The following ABCA13 variants were observed in gnomAD, a reference collection of about 807,000 sequenced individuals.
ABCA13 encodes ATP binding cassette subfamily A member 13.
In ABCA13, 476 loss-of-function variants were observed where a neutral mutation model predicts 478.7. That is an observed-to-expected ratio of 0.99 (90% CI 0.92 to 1.07). The LOEUF is 1.07. Ranked by LOEUF, ABCA13 falls within the 50% of genes least tolerant of loss-of-function variation. The pLI is 0.00. For synonymous variants in ABCA13, 2,252 were observed against 2,158.9 expected, an observed-to-expected ratio of 1.04 and a Z score of -1.20; for missense variants, 6,060 against 5,910.6, an observed-to-expected ratio of 1.03 and a Z score of -0.83.
intron 27 of ABCA13, among the ~76,000 whole-genome samples, chr7:48,326,417 A>C (rs1436451750): frequency 6.6e-6 from 1 of 152,220 alleles, no homozygotes; most frequent in Non-Finnish European, 1.5e-5. Flanking sequence ...TTGAAGTACA[A>C]AGAGTTTCCA....
chr7:48,251,107 T>C (rs771072159), intron 15 of ABCA13, among the ~76,000 whole-genome samples: 1 of 152,236 alleles, frequency 6.6e-6, no homozygotes, highest in Non-Finnish European at 1.5e-5. Flanking sequence ...GATTACACTA[T>C]AAAACTCTTC....
chr7:48,396,375 G>C (rs973932974), intron 38 of ABCA13, among the ~76,000 whole-genome samples: 2 of 152,160 alleles, frequency 1.3e-5, no homozygotes, highest in African/African-American at 4.8e-5. Flanking sequence ...TTTTGTGCCA[G>C]CCGCTATGGT....
chr7:48,510,986 T>C (rs2130902506), intron 50 of ABCA13, 98 bp from the exon 51 acceptor site: 4 of 993,404 alleles, frequency 4.0e-6, no homozygotes, highest in East Asian at 2.5e-5. Context: ...ATAGGAAATA[T>C]ATTTGTGAAG....
chr7:48,602,237 A>G (rs1181896662), intron 58 of ABCA13, among the ~76,000 whole-genome samples: 1 of 152,060 alleles, frequency 6.6e-6, no homozygotes, highest in Non-Finnish European at 1.5e-5. Context: ...ATTAGATACC[A>G]TTTGTCAATT....
intron 3 of ABCA13, among the ~76,000 whole-genome samples, chr7:48,203,506 C>T (rs188736678): frequency 6.6e-6 from 1 of 152,358 alleles, no homozygotes; most frequent in East Asian, 1.9e-4. Context: ...TCCCTAATTC[C>T]TCAGGTAAGT....
chr7:48,438,563 A>T (rs12718272), intron 42 of ABCA13, among the ~76,000 whole-genome samples: 23,369 of 144,202 alleles, frequency 0.16, 2,299 homozygotes, highest in East Asian at 0.23. Flanking sequence ...CTGTAATCAC[A>T]TACTCAGCCT....
intron 15 of ABCA13, among the ~76,000 whole-genome samples, chr7:48,256,847 G>A (rs1793467712): frequency 6.6e-6 from 1 of 152,064 alleles, no homozygotes; most frequent in Non-Finnish European, 1.5e-5. Flanking sequence ...TTCAAATTCT[G>A]TAAAGAATGT....
rs1002856738 is a variant in ABCA13, at chr7:48,245,796, G to A, written c.1492-67G>A. 4 of 1,498,920 alleles carry A rather than the reference G, an allele frequency of 2.7e-6. No individual in the cohort carries two copies. In the African/African-American group the frequency reaches 5.6e-5, roughly 21 times the overall value. 92.9% of individuals were successfully genotyped at this position (1,498,920 alleles called of 1,614,324 possible). On this transcript the variant is annotated intron_variant, in intron 12 of 61. Coordinates refer to ENST00000435803, the MANE Select transcript of ABCA13 (RefSeq NM_152701.5). ...ATTGCTTATTATATTTGCAGTTCTT[G>A]AGCCCATGAAGAGGGTATCTAAGCC...
chr7:48,562,913 A>G (rs1036534362), intron 55 of ABCA13, among the ~76,000 whole-genome samples: 7 of 152,044 alleles, frequency 4.6e-5, no homozygotes, highest in African/African-American at 1.7e-4. Flanking sequence ...TCCAAAAAGA[A>G]TGATGATGCC....
At chr7:48,404,390 C>T (rs1319998104) in intron 39 of ABCA13, 2 of 189,558 alleles carry the variant, frequency 1.1e-5, no homozygotes, top group Non-Finnish European at 2.2e-5. Context: ...TAATTTCCAA[C>T]TTCTGATTCT....
chr7:48,574,661 C>T (rs1367152452), intron 55 of ABCA13, among the ~76,000 whole-genome samples: 3 of 152,166 alleles, frequency 2.0e-5, no homozygotes, highest in African/African-American at 4.8e-5. Flanking sequence ...ATTTTTATCT[C>T]TTCCAAAGAC....
At chr7:48,258,823 A>C (rs1487203900) in intron 15 of ABCA13, among the ~76,000 whole-genome samples, 1 of 152,064 alleles carries the variant, frequency 6.6e-6, no homozygotes, top group Non-Finnish European at 1.5e-5. Flanking sequence ...TGTTCTCATT[A>C]GTTTTCTAAG....
intron 27 of ABCA13, among the ~76,000 whole-genome samples, chr7:48,330,775 A>ATCCG (rs1805266395): frequency 6.6e-6 from 1 of 152,062 alleles, no homozygotes; most frequent in East Asian, 1.9e-4. Context: ...CCATCCATCC[A>ATCCG]TCCATCTATA....
Position 48,335,509 on chromosome 7 carries a change from A to C in ABCA13, c.10087A>C (p.Ser3363Arg), listed in dbSNP as rs1806113307. Residue 3363 changes from serine (S) to arginine (R), a missense_variant, in exon 28 of 62, where the codon AGT becomes CGT. Physicochemically the swap from Ser to Arg is moderately radical, Grantham distance 110. Around this residue, in one of 3 missense-constraint regions of ABCA13, gnomAD observed 4,423 missense variants for 4,309.1 expected, o/e 1.03. Coordinates refer to ENST00000435803, the MANE Select transcript of ABCA13 (RefSeq NM_152701.5). ...GTCCAGCCTTTTCCAGAGAAGTGGA[A>C]GTGGCCAGATGTTCAACCAGCTGCA... ...EMSSLFQRSG[S>R]GQMFNQLQEA... 6.2e-7 allele frequency: 1 copy of C among 1,613,658 alleles called. No individual in the cohort carries two copies. Among genetic ancestry groups the C allele is most frequent in the African/African-American group, 1.3e-5 (1 of 74,934 alleles).
intron 47 of ABCA13, among the ~76,000 whole-genome samples, chr7:48,484,224 A>G (rs1016233724): frequency 1.3e-5 from 2 of 152,224 alleles, no homozygotes; most frequent in African/African-American, 4.8e-5. Context: ...ATCCCTAAAC[A>G]AAATTTTAAC....
intron 27 of ABCA13, among the ~76,000 whole-genome samples, chr7:48,331,847 G>T (rs371585476): frequency 2.6e-5 from 4 of 152,252 alleles, no homozygotes; most frequent in African/African-American, 7.2e-5. Context: ...CCATATCACA[G>T]CAGGGTCTCT....
chr7:48,248,548 T>G, intron 14 of ABCA13, 104 bp downstream of exon 14: 1 of 974,038 alleles, frequency 1.0e-6, no homozygotes, highest in East Asian at 2.6e-5. Context: ...GATTATATTT[T>G]GAATAGAAAG....
rs1189811111 is a variant in ABCA13 at position 48,273,389 on chromosome 7, A to G, written c.3723A>G (p.Ala1241=). ...LRDFLVALGN[A]LVSVKKLNLE... is the part of the protein sequence containing the mutation. ...ATTTTTTGGTAGCTTTAGGTAATGC[A>G]TTAGTTTCAGTAAAAAAACTTAACT... Residue 1241 remains alanine (A), a synonymous_variant, in exon 17 of 62, where the codon GCA becomes GCG. Transcript: ENST00000435803. The G allele has an allele frequency of 6.2e-6, 10 of 1,613,528 alleles. No individual in the cohort carries two copies. In the Admixed American group the frequency reaches 1.0e-4, roughly 16 times the overall value.
chr7:48,461,958 C>T (rs1277579791), intron 43 of ABCA13, among the ~76,000 whole-genome samples: 1 of 152,118 alleles, frequency 6.6e-6, no homozygotes, highest in African/African-American at 2.4e-5. Context: ...TCCCTACAAA[C>T]AGATGGGAAA....
Sources: gnomAD v4.1 joint callset for allele counts (sites outside exome capture counted in the v4.1 genomes callset) on GRCh38, gnomAD v4.1.1 for gene constraint, gnomAD v4.1.1 regional missense constraint, MANE v1.5 for transcripts, NCBI Gene and HGNC (gene_info 2026-07-23, HGNC 2026-07-21) for gene names.